SLC25A33: variants seen among roughly 807,000 people sequenced by gnomAD.
The protein encoded by SLC25A33 is solute carrier family 25 member 33.
In SLC25A33, 15 loss-of-function variants were observed where a neutral mutation model predicts 35.5. The ratio of observed to expected loss-of-function variants is 0.42; its 90% CI spans 0.28 to 0.65. The LOEUF is 0.65. SLC25A33 is among the 30% of genes least tolerant of loss of function. The pLI, the probability that SLC25A33 is intolerant of heterozygous loss-of-function variation, is 0.20. For synonymous variants in SLC25A33, 136 were observed against 148.7 expected (o/e 0.91, Z 0.62); for missense variants, 257 against 398.5 (o/e 0.64, Z 3.02).
rs1163046217 is a variant in SLC25A33 at position 9,580,030 on chromosome 1, T to C, written c.559T>C (p.Tyr187His). 5 of 1,613,264 alleles carry C rather than the reference T, an allele frequency of 3.1e-6. No individual in the cohort carries two copies. The highest frequency in any genetic ancestry group is 4.2e-6 in the Non-Finnish European group (5 of 1,179,590). Residue 187 changes from tyrosine to histidine, a missense_variant, in exon 6 of 7, where the codon TAT becomes CAT. By Grantham distance (83) the Tyr-to-His change is moderately conservative. Coordinates refer to ENST00000302692, the MANE Select transcript of SLC25A33 (RefSeq NM_032315.3). ...CCAGACCGAAGGCATTCGTGGCTTC[T>C]ATAGAGGATTAACTGCCTCGTATGC... ...VYQTEGIRGF[Y>H]RGLTASYAGI...
At chr1:9,571,275 T>A (rs1643587000) in intron 4 of SLC25A33, among the ~76,000 whole-genome samples, 1 of 150,372 alleles carries the variant, frequency 6.7e-6, no homozygotes, top group African/African-American at 2.5e-5. Flanking sequence ...ACGTGTAGAT[T>A]TCTGAGAGAA....
At chr1:9,570,186 T>C (rs1643568835) in intron 3 of SLC25A33, 72 bp from the exon 4 acceptor site, 1 of 1,362,680 alleles carries the variant, frequency 7.3e-7, no homozygotes, top group African/African-American at 1.5e-5. Flanking sequence ...CGAAAATTTT[T>C]CAGGTGTTCT....
At chr1:9,575,374 T>C (rs1235158334) in intron 5 of SLC25A33, among the ~76,000 whole-genome samples, 1 of 151,948 alleles carries the variant, frequency 6.6e-6, no homozygotes, top group Non-Finnish European at 1.5e-5. Flanking sequence ...CCCAGCACTT[T>C]GGGAGGCCGA....
At chr1:9,577,978 C>T (rs771407457) in intron 5 of SLC25A33, among the ~76,000 whole-genome samples, 19 of 152,132 alleles carry the variant, frequency 1.2e-4, no homozygotes, top group Non-Finnish European at 1.0e-4. Context: ...GGCTGGAGTG[C>T]AGTGGTGCAT....
chr1:9,563,446 G>C (rs191100173), intron 2 of SLC25A33, among the ~76,000 whole-genome samples: 1 of 152,254 alleles, frequency 6.6e-6, no homozygotes, highest in Admixed American at 6.5e-5. Context: ...AAGTTACATA[G>C]TGATCTGAGG....
chr1:9,546,282 T>C (rs140120984), intron 1 of SLC25A33, among the ~76,000 whole-genome samples: 3,095 of 150,172 alleles, frequency 0.021, 107 homozygotes, highest in African/African-American at 0.071. Flanking sequence ...TCTCCCGGGT[T>C]CACGCCATTC....
At chr1:9,577,038 C>T in intron 5 of SLC25A33, 1 of 780,558 alleles carries the variant, frequency 1.3e-6, no homozygotes, top group Non-Finnish European at 2.1e-6. Context: ...TTCCTAAGAC[C>T]TATTGGTGAT....
Position 9,584,778 on chromosome 1 carries a change from G to T in SLC25A33, c.*2277G>T, listed in dbSNP as rs1474956939. On this transcript the variant is annotated 3_prime_UTR_variant, in exon 7 of 7. Coordinates refer to ENST00000302692, the MANE Select transcript of SLC25A33 (RefSeq NM_032315.3). ...TCACTGAAGCTGGATACAGTGGCAA[G>T]ATCATAGCTCACTGTAACCTCAAAC... 1 of 152,230 alleles carries T rather than the reference G, an allele frequency of 6.6e-6. No individual in the cohort carries two copies. The allele number at this position is 152,230 out of a possible 1,614,324, so 9.4% of individuals were successfully genotyped here.
chr1:9,571,714 T>C (rs1332509111), intron 4 of SLC25A33, among the ~76,000 whole-genome samples: 1 of 152,050 alleles, frequency 6.6e-6, no homozygotes, highest in Non-Finnish European at 1.5e-5. Context: ...CTCAGCTCCC[T>C]GCAACCCCCA....
chr1:9,569,856 A>G (rs1449844480), intron 3 of SLC25A33, among the ~76,000 whole-genome samples: 1 of 152,146 alleles, frequency 6.6e-6, no homozygotes, highest in Non-Finnish European at 1.5e-5. Flanking sequence ...AAACAGTTCA[A>G]ATTATGTTTG....
rs1406683869 is a variant in SLC25A33, at chr1:9,584,861, A to G, written c.*2360A>G. The G allele has an allele frequency of 1.3e-5, 2 of 152,098 alleles. No homozygotes were observed. The highest frequency in any genetic ancestry group is 2.9e-5 in the Non-Finnish European group (2 of 68,018). 9.4% of individuals were successfully genotyped at this position (152,098 alleles called of 1,614,324 possible). On this transcript the variant is annotated 3_prime_UTR_variant, in exon 7 of 7. Transcript: ENST00000302692. Reference sequence around the variant, plus strand: ...TCCCAAGTAGCTTGGACCACAGGAAAGTACCACCATGCCCAGCTAATGTTT... The same window carrying G: ...TCCCAAGTAGCTTGGACCACAGGAAGGTACCACCATGCCCAGCTAATGTTT...
chr1:9,561,865 A>G (rs1384073574), intron 2 of SLC25A33, among the ~76,000 whole-genome samples: 1 of 152,132 alleles, frequency 6.6e-6, no homozygotes, highest in Non-Finnish European at 1.5e-5. Flanking sequence ...GCTATATTAT[A>G]AAGTATAGGC....
chr1:9,574,440 C>G (rs958402577), intron 5 of SLC25A33, among the ~76,000 whole-genome samples: 4 of 152,156 alleles, frequency 2.6e-5, no homozygotes, highest in Non-Finnish European at 5.9e-5. Flanking sequence ...TAGTATGCCT[C>G]TTTAACACAT....
intron 5 of SLC25A33, among the ~76,000 whole-genome samples, chr1:9,573,930 A>G (rs144578659): frequency 3.3e-5 from 5 of 151,714 alleles, no homozygotes; most frequent in Admixed American, 6.6e-5. Flanking sequence ...TGACACCTGC[A>G]GGCCCTTTTT....
At chr1:9,579,487 T>C (rs975800050) in intron 5 of SLC25A33, among the ~76,000 whole-genome samples, 6 of 151,960 alleles carry the variant, frequency 3.9e-5, no homozygotes, top group Non-Finnish European at 7.4e-5. Context: ...TGGTTTGTTA[T>C]AGAGGACATC....
chr1:9,570,543 C>T (rs1643574157), intron 4 of SLC25A33, among the ~76,000 whole-genome samples, 185 bp downstream of exon 4: 1 of 152,000 alleles, frequency 6.6e-6, no homozygotes, highest in Non-Finnish European at 1.5e-5. Context: ...TTTTATTTTC[C>T]TTGACCACTA....
chr1:9,566,733 T>G (rs983078534), intron 2 of SLC25A33, among the ~76,000 whole-genome samples: 1 of 152,026 alleles, frequency 6.6e-6, no homozygotes, highest in Admixed American at 6.6e-5. Context: ...TTAATCCCAG[T>G]TACTCGGGAG....
In SLC25A33 at chr1:9,568,418, T is replaced by G. The variant is rs148677053; in HGVS notation, c.314+1057T>G. On this transcript the variant is annotated intron_variant, in intron 3 of 6. Transcript: ENST00000302692. ...GAGATCATGCCGCTTCACTGCAGCCTGGGTGAAAGAGTGAAACTCCATCTC... is the reference window on the plus strand; with the variant it reads ...GAGATCATGCCGCTTCACTGCAGCCGGGGTGAAAGAGTGAAACTCCATCTC... 4.1e-3 allele frequency among the ~76,000 whole-genome samples: 620 copies of G among 152,014 alleles called. 7 individuals carry two copies. The highest frequency in any genetic ancestry group is 0.014 in the African/African-American group (581 of 41,454).
At chr1:9,548,028 C>T (rs1020136050) in intron 1 of SLC25A33, among the ~76,000 whole-genome samples, 1 of 151,886 alleles carries the variant, frequency 6.6e-6, no homozygotes, top group Non-Finnish European at 1.5e-5. Flanking sequence ...GTGCGCACCA[C>T]CACGCCTGGC....
Sources: gnomAD v4.1 joint callset for allele counts (sites outside exome capture counted in the v4.1 genomes callset) on GRCh38, gnomAD v4.1.1 for gene constraint, MANE v1.5 for transcripts, NCBI Gene and HGNC (gene_info 2026-07-23, HGNC 2026-07-21) for gene names.